The following DNAH7 variants were observed in gnomAD, a reference collection of about 807,000 sequenced individuals.
DNAH7 encodes the protein axonemal beta dynein heavy chain 7.
In DNAH7, 397 loss-of-function variants were observed where a neutral mutation model predicts 444.6. That is an observed-to-expected ratio of 0.89 (90% confidence interval 0.82 to 0.97). The LOEUF (loss-of-function observed/expected upper bound fraction) is 0.97, where lower values mean the gene tolerates loss of function less well. Among genes scored for constraint, DNAH7 ranks in the 50% least tolerant of loss-of-function variants. The pLI is 0.00. For synonymous variants in DNAH7, 1,636 were observed against 1,624.4 expected (o/e 1.01, Z -0.17); for missense variants, 4,902 against 4,800.8 (o/e 1.02, Z -0.62).
intron 51 of DNAH7, among the ~76,000 whole-genome samples, chr2:195,812,173 G>A (rs1281634282): frequency 6.6e-6 from 1 of 151,950 alleles, no homozygotes; most frequent in Non-Finnish European, 1.5e-5. Flanking sequence ...GTTTCCAACC[G>A]ATCAGCATGC....
chr2:195,909,928 C>T (rs1231464045), intron 25 of DNAH7, 99 bp downstream of exon 25: 9 of 1,224,264 alleles, frequency 7.4e-6, no homozygotes, highest in Non-Finnish European at 1.0e-5. Flanking sequence ...TTTACTTAAG[C>T]TACAGTAAAT....
chr2:195,909,587 AAAAAC>A (rs1383439826), intron 25 of DNAH7, among the ~76,000 whole-genome samples: 2 of 152,202 alleles, frequency 1.3e-5, no homozygotes, highest in Non-Finnish European at 2.9e-5. Context: ...TTTTAAAAAT[AAAAAC>A]AAATAATAAA....
At chr2:196,026,617 A>G (rs1695705726) in intron 7 of DNAH7, 143 bp downstream of exon 7, 1 of 613,852 alleles carries the variant, frequency 1.6e-6, no homozygotes, top group Non-Finnish European at 2.7e-6. Flanking sequence ...TTTGCCTAAG[A>G]TCTTAAGTAA....
In DNAH7 at chr2:195,824,269, C is replaced by A. The variant is rs1208087987; in HGVS notation, c.9277G>T (p.Glu3093Ter). The A allele has an allele frequency of 6.2e-7, 1 of 1,611,784 alleles. No individual in the cohort carries two copies. Among genetic ancestry groups the A allele is most frequent in the African/African-American group, 1.3e-5 (1 of 74,828 alleles). ...TKLRNPHYLPETSVKVTLLNF... is the reference protein window; with the variant it reads ...TKLRNPHYLP ...TATATACTGGCCTTTACTGATGTTT[C>A]AGGAAGATAATGAGGATTTCTTAAC... The change falls in exon 49 of 65, where the codon GAA (glutamate) becomes TAA (stop). Residue 3093 changes from glutamate (E) to a stop codon, truncating the protein, a stop_gained. Coordinates refer to ENST00000312428, the MANE Select transcript of DNAH7 (RefSeq NM_018897.3). LOFTEE classifies it high-confidence loss of function.
At chr2:196,003,509 C>T (rs1238114329) in intron 10 of DNAH7, among the ~76,000 whole-genome samples, 1 of 152,068 alleles carries the variant, frequency 6.6e-6, no homozygotes, top group Non-Finnish European at 1.5e-5. Context: ...CTTAATAGAT[C>T]AGTGAAGGAA....
In DNAH7 at chr2:195,939,219, G is replaced by A. The variant is rs577911806; in HGVS notation, c.3079-2427C>T. Among the ~76,000 whole-genome samples the A allele has an allele frequency of 1.8e-4, 28 of 152,128 alleles. No individual in the cohort carries two copies. In the South Asian group the frequency reaches 5.6e-3, roughly 30 times the overall value. On this transcript the variant is annotated intron_variant, in intron 19 of 64. Transcript: ENST00000312428. ...ATTGTCTGTTAGAAAGAGTGCAGGTGGGGAAGGATTGACTCTGGGGAAAGG... is the reference window on the plus strand; with the variant it reads ...ATTGTCTGTTAGAAAGAGTGCAGGTAGGGAAGGATTGACTCTGGGGAAAGG...
At chr2:195,743,171 T>C (rs1452710183) in intron 63 of DNAH7, among the ~76,000 whole-genome samples, 1 of 152,248 alleles carries the variant, frequency 6.6e-6, no homozygotes, top group Non-Finnish European at 1.5e-5. Flanking sequence ...CTCTAGTGGT[T>C]TGCCAGGGGC....
chr2:195,809,799 A>G lies in DNAH7; in HGVS notation c.9834T>C (p.Asp3278=). 2.5e-6 allele frequency: 4 copies of G among 1,601,714 alleles called. No individual in the cohort carries two copies. The highest frequency in any genetic ancestry group is 3.4e-6 in the Non-Finnish European group (4 of 1,173,312). ...VNVCRSLFEK[D]KLLFSFCLTI... ...TTAGACAAAAGGAAAAGAGCAGCTT[A>G]TCCTTTTCAAAGAGTGACCGGCAGA... The change falls in exon 52 of 65, where the codon GAT becomes GAC. Residue 3278 remains aspartate, a synonymous_variant. Transcript: ENST00000312428.
chr2:195,947,711 G>C (rs1689913695), intron 19 of DNAH7, among the ~76,000 whole-genome samples: 1 of 152,106 alleles, frequency 6.6e-6, no homozygotes, highest in South Asian at 2.1e-4. Flanking sequence ...CATTTGGGTT[G>C]GTTCCAAGTA....
rs753065389 is a variant in DNAH7, at chr2:195,988,134, C to G, written c.1449G>C (p.Glu483Asp). 1.9e-6 allele frequency: 3 copies of G among 1,613,662 alleles called. No homozygotes were observed. Among genetic ancestry groups the G allele is most frequent in the East Asian group, 2.2e-5 (1 of 44,840 alleles). ...KEKIKEVIMK[E>D]SVAPTEHLRL... Reference sequence around the variant, plus strand: ...TGAGGTGCTCAGTAGGTGCCACACTCTCTTTCATAATAACTTCCTTGATCT... The same window carrying G: ...TGAGGTGCTCAGTAGGTGCCACACTGTCTTTCATAATAACTTCCTTGATCT... Residue 483 changes from glutamate (E) to aspartate (D), a missense_variant, in exon 13 of 65, where the codon GAG becomes GAC. Glu to Asp is a conservative substitution (Grantham distance 45). Coordinates refer to ENST00000312428, the MANE Select transcript of DNAH7 (RefSeq NM_018897.3).
intron 36 of DNAH7, among the ~76,000 whole-genome samples, chr2:195,880,910 C>A (rs1408832061): frequency 1.3e-5 from 2 of 151,996 alleles, no homozygotes; most frequent in Admixed American, 1.3e-4. Context: ...TTCCTCTAAC[C>A]ACTGCCTTCA....
intron 59 of DNAH7, among the ~76,000 whole-genome samples, chr2:195,776,782 T>G (rs1187719431): frequency 6.6e-6 from 1 of 152,232 alleles, no homozygotes; most frequent in Admixed American, 6.5e-5. Context: ...TTATATTTTA[T>G]TTAAATGGAC....
intron 59 of DNAH7, 104 bp from the exon 60 acceptor site, chr2:195,776,087 T>C: frequency 7.1e-7 from 1 of 1,398,712 alleles, no homozygotes; most frequent in Non-Finnish European, 9.8e-7. Flanking sequence ...ATTGACTGGA[T>C]AGGCCTGTGA....
At chr2:195,993,520 G>A (rs115221950) in intron 12 of DNAH7, among the ~76,000 whole-genome samples, 251 of 152,204 alleles carry the variant, frequency 1.6e-3, no homozygotes, top group African/African-American at 5.8e-3. Context: ...TAGGGGAGTG[G>A]GCACAGTTTA....
chr2:195,868,629 T>C (rs1407231942), intron 40 of DNAH7, among the ~76,000 whole-genome samples: 1 of 150,572 alleles, frequency 6.6e-6, no homozygotes, highest in Admixed American at 6.7e-5. Context: ...GATTTGCAGG[T>C]ATTTTATCCC....
intron 24 of DNAH7, among the ~76,000 whole-genome samples, chr2:195,917,642 T>C (rs1375860683): frequency 2.0e-5 from 3 of 152,216 alleles, no homozygotes; most frequent in Admixed American, 1.3e-4. Context: ...TTCTGTCAAA[T>C]TCTTTTCTTC....
In DNAH7 at chr2:195,906,969, A is replaced by G; in HGVS notation, c.4145T>C (p.Phe1382Ser). The G allele has an allele frequency of 6.2e-7, 1 of 1,613,276 alleles. No individual in the cohort carries two copies. ...GAGTACTTCCAAATCAATTCTGTTA[A>G]ACTCATCAAAGCAAGCCCAGGCTCC... is the stretch of plus-strand genomic sequence containing the variant. Reference protein sequence around the residue: ...SCGAWACFDEFNRIDLEVLSV... With the variant: ...SCGAWACFDESNRIDLEVLSV... Residue 1382 changes from phenylalanine to serine, a missense_variant, in exon 26 of 65, where the codon TTT (phenylalanine) becomes TCT (serine). By Grantham distance (155) the Phe-to-Ser change is radical. Coordinates refer to ENST00000312428, the MANE Select transcript of DNAH7 (RefSeq NM_018897.3).
chr2:196,047,378 A>C lies in DNAH7; in HGVS notation c.372T>G (p.Phe124Leu). The C allele has an allele frequency of 6.3e-7, 1 of 1,598,344 alleles. No individual in the cohort carries two copies. Among genetic ancestry groups the C allele is most frequent in the Non-Finnish European group, 8.5e-7 (1 of 1,171,382 alleles). The change falls in exon 5 of 65, where the codon TTT becomes TTG. Residue 124 changes from phenylalanine (F) to leucine (L), a missense_variant. Transcript: ENST00000312428. ...TAATGACATTAACAAGAGTACTTCTAAAGTTTTCTCGTTCTTTATGTGGAG... is the reference window on the plus strand; with the variant it reads ...TAATGACATTAACAAGAGTACTTCTCAAGTTTTCTCGTTCTTTATGTGGAG... The part of the protein sequence containing the change: ...GKSPHKEREN[F>L]RSTLVNVIMQ...
intron 15 of DNAH7, 75 bp downstream of exon 15, chr2:195,984,557 T>TG: frequency 1.4e-6 from 2 of 1,394,060 alleles, no homozygotes; most frequent in South Asian, 2.4e-5. Flanking sequence ...ACTTTTCGAG[T>TG]GATTTGTTAC....
Sources: gnomAD v4.1 joint callset for allele counts (sites outside exome capture counted in the v4.1 genomes callset) on GRCh38, gnomAD v4.1.1 for gene constraint, MANE v1.5 for transcripts, NCBI Gene and HGNC (gene_info 2026-07-23, HGNC 2026-07-21) for gene names.